ANKRD30B: variants seen among roughly 807,000 people sequenced by gnomAD.
The protein encoded by ANKRD30B is ankyrin repeat domain-containing protein 30B.
A neutral mutation model predicts 202.2 loss-of-function variants in ANKRD30B; 144 were observed. The observed-to-expected ratio is 0.71, with a 90% confidence interval of 0.62 to 0.82. The LOEUF (loss-of-function observed/expected upper bound fraction) is 0.82. ANKRD30B is among the 40% of genes least tolerant of loss of function. The pLI is 0.00. For synonymous variants in ANKRD30B, 508 were observed against 561.3 expected (o/e 0.91, Z 1.34); for missense variants, 1,487 against 1,669.1 (o/e 0.89, Z 1.90).
At chr18:14,789,710 C>G (rs940910203) in intron 15 of ANKRD30B, among the ~76,000 whole-genome samples, 52 of 152,024 alleles carry the variant, frequency 3.4e-4, no homozygotes, top group Admixed American at 6.6e-4. Context: ...TAGATATGCA[C>G]CATTATTTCT....
At chr18:14,875,658 T>C in the ANKRD30B span, among the ~76,000 whole-genome samples, 19,329 of 152,102 alleles carry the variant, frequency 0.13, 1,479 homozygotes, top group East Asian at 0.27. Context: ...ATGAAATGTA[T>C]TTTCTCTTGG....
intron 4 of ANKRD30B, among the ~76,000 whole-genome samples, chr18:14,757,109 G>A (rs1022656906): frequency 4.6e-5 from 7 of 152,068 alleles, no homozygotes; most frequent in Non-Finnish European, 8.8e-5. Flanking sequence ...TGTATGGGTA[G>A]AGGGAAGAAA....
chr18:14,877,947 C>G, the ANKRD30B span: 2 of 152,200 alleles, frequency 1.3e-5, no homozygotes, highest in Non-Finnish European at 2.9e-5. Flanking sequence ...TGCTACTGTT[C>G]TTTTTGTCTC....
At chr18:14,757,977 G>C (rs547366483) in intron 5 of ANKRD30B, 25 bp downstream of exon 5, 1 of 1,556,638 alleles carries the variant, frequency 6.4e-7, no homozygotes, top group African/African-American at 1.4e-5. Context: ...TTAAAGGCTA[G>C]GTGAAATTTT....
chr18:14,823,832 G>A (rs577313828), intron 32 of ANKRD30B, among the ~76,000 whole-genome samples: 10 of 152,242 alleles, frequency 6.6e-5, no homozygotes, highest in South Asian at 2.1e-4. Flanking sequence ...AACAATAGCC[G>A]GTTGTGGTGG....
At chr18:14,770,001 T>A (rs1289865797) in intron 8 of ANKRD30B, among the ~76,000 whole-genome samples, 1 of 152,194 alleles carries the variant, frequency 6.6e-6, no homozygotes, top group Non-Finnish European at 1.5e-5. Context: ...GTTATGTTAA[T>A]CATATTTAGA....
intron 14 of ANKRD30B, among the ~76,000 whole-genome samples, chr18:14,785,022 G>C (rs1286042969): frequency 6.6e-6 from 1 of 152,104 alleles, no homozygotes; most frequent in Non-Finnish European, 1.5e-5. Context: ...GTTTGTGTGT[G>C]TGTGTGTCTG....
At chr18:14,925,367 C>T in the ANKRD30B span, among the ~76,000 whole-genome samples, 1 of 152,170 alleles carries the variant, frequency 6.6e-6, no homozygotes, top group Non-Finnish European at 1.5e-5. Flanking sequence ...GGGTTCTTTC[C>T]TCTTGGGCTT....
chr18:14,852,200 A>G lies in ANKRD30B; in HGVS notation c.4256A>G (p.Glu1419Gly). 1.3e-6 allele frequency: 2 copies of G among 1,592,362 alleles called. No homozygotes were observed. Among genetic ancestry groups the G allele is most frequent in the Non-Finnish European group, 1.7e-6 (2 of 1,169,156 alleles). ...CACACTGAACAGCAGGAGTCTCTGG[A>G]GCAGAAATTATTTCAACTAGAAAGC... ...DKHTEQQESLEQKLFQLESKN... is the reference protein window; with the variant it reads ...DKHTEQQESLGQKLFQLESKN... The change falls in exon 42 of 44, where the codon GAG becomes GGG. Residue 1419 changes from glutamate to glycine, a missense_variant. Glu to Gly is a moderately conservative substitution (Grantham distance 98, BLOSUM62 -2). Around this residue, in one of 6 missense-constraint regions of ANKRD30B, gnomAD observed 182 missense variants for 216.0 expected, o/e 0.84. Coordinates refer to ENST00000690538, the MANE Select transcript of ANKRD30B (RefSeq NM_001367607.2).
the ANKRD30B span, among the ~76,000 whole-genome samples, chr18:14,934,876 C>T: frequency 6.6e-6 from 1 of 150,880 alleles, no homozygotes; most frequent in Non-Finnish European, 1.5e-5. Flanking sequence ...GAGGGGTGTG[C>T]ACAGGTAGCC....
At chr18:14,851,487 A>G (rs1349084137) in intron 41 of ANKRD30B, 22 bp from the exon 42 acceptor site, 1 of 1,488,934 alleles carries the variant, frequency 6.7e-7, no homozygotes, top group East Asian at 2.4e-5. Context: ...TGCTAGTTAA[A>G]TTTTTATTTT....
chr18:14,798,603 T>C (rs1969086151), intron 20 of ANKRD30B, among the ~76,000 whole-genome samples: 1 of 152,120 alleles, frequency 6.6e-6, no homozygotes, highest in African/African-American at 2.4e-5. Context: ...CGTGGCAAGA[T>C]GAGGGCGTTC....
chr18:14,919,888 G>A, the ANKRD30B span, among the ~76,000 whole-genome samples: 1 of 152,188 alleles, frequency 6.6e-6, no homozygotes, highest in Non-Finnish European at 1.5e-5. Context: ...AGAAGTGGGG[G>A]CTAGAACAGG....
intron 8 of ANKRD30B, among the ~76,000 whole-genome samples, chr18:14,769,688 G>T (rs1916797183): frequency 6.6e-6 from 1 of 152,198 alleles, no homozygotes; most frequent in Admixed American, 6.6e-5. Context: ...AGCATAGATT[G>T]ATGGAGACCT....
At chr18:14,928,898 C>T in the ANKRD30B span, among the ~76,000 whole-genome samples, 1 of 152,208 alleles carries the variant, frequency 6.6e-6, no homozygotes, top group Non-Finnish European at 1.5e-5. Context: ...TTAGGTACTT[C>T]CCTACCTTTG....
the ANKRD30B span, among the ~76,000 whole-genome samples, chr18:14,930,425 C>T: frequency 6.6e-6 from 1 of 152,120 alleles, no homozygotes; most frequent in African/African-American, 2.4e-5. Flanking sequence ...GCAACTGACC[C>T]ACCCCTCAAA....
At chr18:14,828,607 C>CT (rs1249208193) in intron 33 of ANKRD30B, among the ~76,000 whole-genome samples, 1 of 152,166 alleles carries the variant, frequency 6.6e-6, no homozygotes, top group African/African-American at 2.4e-5. Context: ...CCCTTCCCTT[C>CT]CCCCTTGGCA....
chr18:14,833,064 G>A (rs1817785596), intron 34 of ANKRD30B, among the ~76,000 whole-genome samples: 1 of 151,782 alleles, frequency 6.6e-6, no homozygotes, highest in African/African-American at 2.4e-5. Flanking sequence ...AGCCTCCTGT[G>A]TAGCTGGGAC....
At chr18:14,871,382 A>C in the ANKRD30B span, among the ~76,000 whole-genome samples, 1 of 151,122 alleles carries the variant, frequency 6.6e-6, no homozygotes, top group Non-Finnish European at 1.5e-5. Flanking sequence ...TGTGTGCAGC[A>C]TAGAAAGGTC....
Sources: allele counts gnomAD v4.1 joint callset (sites outside exome capture counted in the v4.1 genomes callset), GRCh38; gene constraint gnomAD v4.1.1; regional missense constraint gnomAD v4.1.1; transcripts MANE v1.5; gene names NCBI Gene and HGNC (gene_info 2026-07-23, HGNC 2026-07-21).